Variants in PPP1R9A observed in about 807,000 individuals in gnomAD.
PPP1R9A encodes the protein protein phosphatase 1 regulatory subunit 9A.
In PPP1R9A, 59 loss-of-function variants were observed where a neutral mutation model predicts 141.9. That is an observed-to-expected ratio of 0.42 (90% CI 0.34 to 0.52). The LOEUF is 0.52. Among genes scored for constraint, PPP1R9A ranks in the 20% least tolerant of loss-of-function variants. PPP1R9A has a pLI of 0.10. For synonymous variants in PPP1R9A, 500 were observed against 569.7 expected (o/e 0.88, Z 1.74); for missense variants, 1,444 against 1,611.9 (o/e 0.90, Z 1.78).
chr7:95,170,198 AAGAC>A (rs1434824402), intron 5 of PPP1R9A, among the ~76,000 whole-genome samples: 1 of 151,680 alleles, frequency 6.6e-6, no homozygotes, highest in Non-Finnish European at 1.5e-5. Context: ...ACAGAAATAA[AAGAC>A]AGGAAAGGAT....
rs770441916 is a variant in PPP1R9A, at chr7:95,288,581, C to G, written c.3775C>G (p.Arg1259Gly). The change falls in exon 19 of 20, where the codon CGG becomes GGG. Residue 1259 changes from arginine (R) to glycine (G), a missense_variant. By Grantham distance (125) the Arg-to-Gly change is moderately radical. Transcript: ENST00000433360. Reference protein sequence around the residue: ...QSPKHSQCQNRAVQEWSVQQV... With the variant: ...QSPKHSQCQNGAVQEWSVQQV... ...TCCCAAACACAGTCAGTGTCAGAAT[C>G]GGGCCGTTCAGGAATGGAGTGTGCA... 8 of 1,614,072 alleles carry G rather than the reference C, an allele frequency of 5.0e-6. No individual in the cohort carries two copies. Among genetic ancestry groups the G allele is most frequent in the Non-Finnish European group, 6.8e-6 (8 of 1,179,996 alleles).
chr7:94,971,028 C>T (rs1031325213), intron 2 of PPP1R9A, among the ~76,000 whole-genome samples: 1 of 151,990 alleles, frequency 6.6e-6, no homozygotes, highest in African/African-American at 2.4e-5. Flanking sequence ...TACTCTGTGG[C>T]AGAATTTGTG....
chr7:95,107,135 C>G (rs1229454608), intron 2 of PPP1R9A, among the ~76,000 whole-genome samples: 1 of 151,980 alleles, frequency 6.6e-6, no homozygotes, highest in Non-Finnish European at 1.5e-5. Context: ...TGCATAGTAT[C>G]TCCTTGTTTT....
chr7:95,138,830 A>G lies in PPP1R9A; in HGVS notation c.1649+17998A>G, dbSNP rs117661344. On this transcript the variant is annotated intron_variant, in intron 4 of 19. Coordinates refer to ENST00000433360, the MANE Select transcript of PPP1R9A (RefSeq NM_001166160.2). The stretch of plus-strand genomic sequence containing the variant: ...TGCACACCTAGTAGAATGGCTAAAG[A>G]TAAGAATGCTAACAATATAAAGTGC... 2.4e-4 allele frequency among the ~76,000 whole-genome samples: 36 copies of G among 152,322 alleles called. 1 individual carries two copies. The South Asian group carries it at 4.1e-3, about 18-fold the overall frequency.
chr7:94,952,832 A>C (rs1796627785), intron 2 of PPP1R9A, among the ~76,000 whole-genome samples: 1 of 151,984 alleles, frequency 6.6e-6, no homozygotes, highest in South Asian at 2.1e-4. Flanking sequence ...AATTTGTTTA[A>C]ATTCCTTGTA....
chr7:95,254,691 A>C (rs1799342670), intron 12 of PPP1R9A, among the ~76,000 whole-genome samples: 1 of 152,192 alleles, frequency 6.6e-6, no homozygotes, highest in Non-Finnish European at 1.5e-5. Flanking sequence ...GTCAGAATGA[A>C]ATAGTAAAAG....
intron 2 of PPP1R9A, among the ~76,000 whole-genome samples, chr7:95,013,657 G>T (rs764373504): frequency 6.6e-6 from 1 of 151,988 alleles, no homozygotes; most frequent in African/African-American, 2.4e-5. Context: ...TACTTTTTTC[G>T]TTCATTTGGA....
intron 2 of PPP1R9A, among the ~76,000 whole-genome samples, chr7:95,086,400 CTG>C (rs1816640828): frequency 6.6e-6 from 1 of 151,986 alleles, no homozygotes; most frequent in Admixed American, 6.5e-5. Context: ...TTTGGGGTGA[CTG>C]TGTTATAAAT....
chr7:95,027,626 T>C (rs1807064639), intron 2 of PPP1R9A, among the ~76,000 whole-genome samples: 1 of 152,224 alleles, frequency 6.6e-6, no homozygotes, highest in African/African-American at 2.4e-5. Flanking sequence ...CAAGGTGATT[T>C]TGTTGTTGTG....
intron 2 of PPP1R9A, among the ~76,000 whole-genome samples, chr7:94,968,353 T>TTAA (rs1798465525): frequency 6.6e-6 from 1 of 152,000 alleles, no homozygotes; most frequent in Non-Finnish European, 1.5e-5. Context: ...TTTATATTTT[T>TTAA]AGTAGAGACG....
At chr7:95,215,814 G>A (rs551884887) in intron 7 of PPP1R9A, among the ~76,000 whole-genome samples, 62 of 152,172 alleles carry the variant, frequency 4.1e-4, no homozygotes, top group African/African-American at 1.3e-3. Context: ...CTTTTTGATG[G>A]GGTTGTTTGT....
At chr7:94,948,371 C>A (rs1470456136) in intron 2 of PPP1R9A, among the ~76,000 whole-genome samples, 7 of 152,020 alleles carry the variant, frequency 4.6e-5, no homozygotes, top group Non-Finnish European at 7.4e-5. Context: ...CATTTTCCCT[C>A]TTCATTCCTA....
At chr7:95,117,866 G>A (rs1044599844) in intron 3 of PPP1R9A, among the ~76,000 whole-genome samples, 6 of 152,100 alleles carry the variant, frequency 3.9e-5, no homozygotes, top group African/African-American at 1.4e-4. Context: ...TTTCATACAG[G>A]AGAGAAATTC....
At chr7:95,226,171 ATATT>A in intron 8 of PPP1R9A, 55 bp downstream of exon 8, 1 of 1,504,042 alleles carries the variant, frequency 6.6e-7, no homozygotes, top group Non-Finnish European at 9.0e-7. Context: ...CATTAAGTAT[ATATT>A]TCTGTTCAAA....
chr7:95,264,906 T>C (rs1801029689), intron 12 of PPP1R9A, among the ~76,000 whole-genome samples: 1 of 152,154 alleles, frequency 6.6e-6, no homozygotes, highest in South Asian at 2.1e-4. Context: ...GGTCTTGGGC[T>C]TATGAAAGCA....
At chr7:95,011,735 C>G (rs959311124) in intron 2 of PPP1R9A, among the ~76,000 whole-genome samples, 6 of 152,064 alleles carry the variant, frequency 3.9e-5, no homozygotes, top group African/African-American at 1.4e-4. Flanking sequence ...AAAGGGAGCT[C>G]TTGAAATCTG....
chr7:95,199,990 G>A (rs1789181532), intron 6 of PPP1R9A, among the ~76,000 whole-genome samples: 1 of 151,936 alleles, frequency 6.6e-6, no homozygotes, highest in Non-Finnish European at 1.5e-5. Context: ...ATCAAGTGGT[G>A]GAAGGGGACA....
chr7:95,080,490 A>G (rs1255066702), intron 2 of PPP1R9A, among the ~76,000 whole-genome samples: 1 of 152,190 alleles, frequency 6.6e-6, no homozygotes, highest in East Asian at 1.9e-4. Context: ...GGAAGAATCA[A>G]TATCATGAAA....
At chr7:95,157,416 C>T (rs568049975) in intron 4 of PPP1R9A, among the ~76,000 whole-genome samples, 1 of 152,270 alleles carries the variant, frequency 6.6e-6, no homozygotes, top group South Asian at 2.1e-4. Context: ...GAGGGTTAGG[C>T]TCCTGCCTCC....
Sources: gnomAD v4.1 joint callset for allele counts (sites outside exome capture counted in the v4.1 genomes callset) on GRCh38, gnomAD v4.1.1 for gene constraint, MANE v1.5 for transcripts, NCBI Gene and HGNC (gene_info 2026-07-23, HGNC 2026-07-21) for gene names.